FNBP1L: variants seen among roughly 807,000 people sequenced by gnomAD.
FNBP1L encodes formin binding protein 1 like.
Under a neutral mutation model 91.2 loss-of-function variants are expected in FNBP1L, and 36 were observed. The observed-to-expected ratio is 0.39, with a 90% CI of 0.30 to 0.52. The LOEUF (loss-of-function observed/expected upper bound fraction) is 0.52. FNBP1L is among the 20% of genes least tolerant of loss of function. FNBP1L has a pLI of 0.66. For missense variants in FNBP1L, 571 were observed against 732.1 expected, an observed-to-expected ratio of 0.78 and a Z score of 2.54; for synonymous variants, 242 against 237.0, an observed-to-expected ratio of 1.02 and a Z score of -0.19.
Position 93,552,519 on chromosome 1 carries a change from C to A in FNBP1L, c.*103C>A. 1.5e-6 allele frequency: 2 copies of A among 1,310,022 alleles called. No individual in the cohort carries two copies. The highest frequency in any genetic ancestry group is 2.1e-6 in the Non-Finnish European group (2 of 946,158). 81.1% of individuals were successfully genotyped at this position (1,310,022 alleles called of 1,614,324 possible). A position where few individuals can be genotyped will look rare whatever the true frequency, so the allele number is the denominator to read the frequency against. The stretch of plus-strand genomic sequence containing the variant: ...TCAGGCTCAAAGAGAGTGAGAGAAG[C>A]AAGTTGCATGAGTGCATGCAGACAT... On this transcript the variant is annotated 3_prime_UTR_variant, in exon 17 of 17. Coordinates refer to ENST00000271234, the MANE Select transcript of FNBP1L (RefSeq NM_001164473.3).
chr1:93,542,913 G>A (rs1466273401), intron 11 of FNBP1L, among the ~76,000 whole-genome samples: 2 of 151,324 alleles, frequency 1.3e-5, no homozygotes, highest in Non-Finnish European at 2.9e-5. Context: ...CCTCTCACGA[G>A]TAGCTGGGAT....
At chr1:93,519,457 A>G (rs752930275) in intron 2 of FNBP1L, among the ~76,000 whole-genome samples, 1 of 151,874 alleles carries the variant, frequency 6.6e-6, no homozygotes, top group African/African-American at 2.4e-5. Flanking sequence ...TTAGCTTTTT[A>G]CCCCTGGGGA....
intron 1 of FNBP1L, among the ~76,000 whole-genome samples, chr1:93,471,768 G>A (rs1001353502): frequency 3.4e-4 from 52 of 151,996 alleles, no homozygotes; most frequent in African/African-American, 1.2e-3. Context: ...TGAAAATGTT[G>A]GTTCATTTCT....
chr1:93,487,944 G>GA (rs1383832525), intron 1 of FNBP1L, among the ~76,000 whole-genome samples: 1 of 152,092 alleles, frequency 6.6e-6, no homozygotes, highest in Non-Finnish European at 1.5e-5. Flanking sequence ...ATGTCAACCT[G>GA]GATGTCTTAA....
Position 93,552,508 on chromosome 1 carries a change from A to G in FNBP1L, c.*92A>G. On this transcript the variant is annotated 3_prime_UTR_variant, in exon 17 of 17. Coordinates refer to ENST00000271234, the MANE Select transcript of FNBP1L (RefSeq NM_001164473.3). ...TATTAGAGTTGTCAGGCTCAAAGAGAGTGAGAGAAGCAAGTTGCATGAGTG... is the reference window on the plus strand; with the variant it reads ...TATTAGAGTTGTCAGGCTCAAAGAGGGTGAGAGAAGCAAGTTGCATGAGTG... The G allele has an allele frequency of 2.1e-6, 3 of 1,431,428 alleles. No individual in the cohort carries two copies. The highest frequency in any genetic ancestry group is 1.9e-6 in the Non-Finnish European group (2 of 1,051,846). 88.7% of individuals were successfully genotyped at this position (1,431,428 alleles called of 1,614,324 possible).
At chr1:93,528,396 A>G (rs938890703) in intron 5 of FNBP1L, among the ~76,000 whole-genome samples, 3 of 152,232 alleles carry the variant, frequency 2.0e-5, no homozygotes, top group South Asian at 2.1e-4. Context: ...GGAAGCCAGA[A>G]GAATAGTGGA....
intron 1 of FNBP1L, among the ~76,000 whole-genome samples, chr1:93,492,834 A>G (rs1670140295): frequency 6.6e-6 from 1 of 152,184 alleles, no homozygotes; most frequent in African/African-American, 2.4e-5. Flanking sequence ...GATTAAATAT[A>G]ATATTTTAAT....
intron 11 of FNBP1L, among the ~76,000 whole-genome samples, chr1:93,542,840 A>G (rs902928222): frequency 7.1e-6 from 1 of 140,820 alleles, no homozygotes; most frequent in Non-Finnish European, 1.5e-5. Context: ...CTGGAGTGCA[A>G]TGGCGCGATC....
At chr1:93,515,730 A>G (rs1253443689) in intron 2 of FNBP1L, among the ~76,000 whole-genome samples, 1 of 128,478 alleles carries the variant, frequency 7.8e-6, no homozygotes, top group Non-Finnish European at 1.6e-5. Flanking sequence ...ACACATGGAC[A>G]CAGGAAGGGG....
intron 2 of FNBP1L, among the ~76,000 whole-genome samples, chr1:93,519,201 T>C (rs192828373): frequency 4.3e-4 from 66 of 152,364 alleles, no homozygotes; most frequent in African/African-American, 1.4e-3. Context: ...AGTTCCTTCA[T>C]ATGACTTTAG....
chr1:93,504,453 T>G (rs943221186), intron 2 of FNBP1L, among the ~76,000 whole-genome samples: 2 of 152,220 alleles, frequency 1.3e-5, no homozygotes, highest in Admixed American at 1.3e-4. Context: ...ATAATTCCAA[T>G]TAAACCTCTT....
At position 93,546,884 on chromosome 1, in the gene FNBP1L, A is replaced by G. The variant is rs778709259; in HGVS notation, c.1317A>G (p.Pro439=). 2 of 1,613,094 alleles carry G rather than the reference A, an allele frequency of 1.2e-6. No individual in the cohort carries two copies. The highest frequency in any genetic ancestry group is 1.1e-5 in the South Asian group (1 of 90,926). The part of the protein sequence containing the change: ...NKMKDVYEKN[P]QMGDPGSLQP... The stretch of plus-strand genomic sequence containing the variant: ...TGAAAGATGTATATGAGAAGAATCC[A>G]CAAATGGGGGATCCAGGGAGTTTGC... Residue 439 remains proline, a synonymous_variant, in exon 13 of 17, where the codon CCA becomes CCG. Coordinates refer to ENST00000271234, the MANE Select transcript of FNBP1L (RefSeq NM_001164473.3).
At chr1:93,492,604 TTGGGAGGCCCAAG>T (rs1339775277) in intron 1 of FNBP1L, among the ~76,000 whole-genome samples, 2 of 152,116 alleles carry the variant, frequency 1.3e-5, no homozygotes, top group Non-Finnish European at 2.9e-5. Flanking sequence ...TCCTGGTGCT[TTGGGAGGCCCAAG>T]TGGGAGAATT....
Position 93,547,336 on chromosome 1 carries a change from T to A in FNBP1L, c.1408-11T>A. 5 of 1,550,642 alleles carry A rather than the reference T, an allele frequency of 3.2e-6. No homozygotes were observed. In the South Asian group the frequency reaches 4.8e-5, roughly 15 times the overall value. On this transcript the variant is annotated splice_polypyrimidine_tract_variant and intron_variant, in intron 13 of 16. Transcript: ENST00000271234. ...ATTGAGCTCAGTTGTTTGCTTATTT[T>A]TTTTCCTAAGGCTTGGCTCTCTGAA...
intron 1 of FNBP1L, among the ~76,000 whole-genome samples, chr1:93,459,655 C>T (rs1668793867): frequency 6.6e-6 from 1 of 152,160 alleles, no homozygotes; most frequent in Admixed American, 6.5e-5. Flanking sequence ...TTATGGAAAA[C>T]AATATGACAG....
chr1:93,458,486 G>A (rs1428436419), intron 1 of FNBP1L, among the ~76,000 whole-genome samples: 1 of 152,070 alleles, frequency 6.6e-6, no homozygotes, highest in Non-Finnish European at 1.5e-5. Flanking sequence ...AACTTAAAAT[G>A]GCTTAAAGAC....
intron 2 of FNBP1L, among the ~76,000 whole-genome samples, chr1:93,511,879 T>G (rs1202905086): frequency 7.3e-6 from 1 of 137,270 alleles, no homozygotes; most frequent in South Asian, 2.3e-4. Context: ...GGCAGGAGAA[T>G]GGCGTGAACC....
chr1:93,513,825 C>G (rs574801687), intron 2 of FNBP1L, among the ~76,000 whole-genome samples: 3,501 of 152,150 alleles, frequency 0.023, 151 homozygotes, highest in African/African-American at 0.08. Flanking sequence ...ACTGAATGGG[C>G]AAAAACTGGA....
chr1:93,457,257 G>A (rs371826771), intron 1 of FNBP1L, among the ~76,000 whole-genome samples: 24 of 152,168 alleles, frequency 1.6e-4, no homozygotes, highest in Admixed American at 4.6e-4. Context: ...AAATGATACC[G>A]TATGGTAAGT....
Sources: gnomAD v4.1 joint callset for allele counts (sites outside exome capture counted in the v4.1 genomes callset) on GRCh38, gnomAD v4.1.1 for gene constraint, MANE v1.5 for transcripts, NCBI Gene and HGNC (gene_info 2026-07-23, HGNC 2026-07-21) for gene names.